Variants in GRM4 observed in about 807,000 individuals in gnomAD.
The protein encoded by GRM4 is glutamate metabotropic receptor 4, also known as metabotropic glutamate receptor 4.
GRM4 carries 28 observed loss-of-function variants against 81.7 expected under a neutral mutation model. The observed-to-expected ratio is 0.34, with a 90% CI of 0.25 to 0.47. GRM4 has a LOEUF of 0.47. GRM4 is among the 20% of genes least tolerant of loss of function. The pLI is 1.00. For synonymous variants in GRM4, 488 were observed against 528.8 expected (o/e 0.92, Z 1.06); for missense variants, 948 against 1,290.0 (o/e 0.73, Z 4.06).
At position 34,035,863 on chromosome 6, in the gene GRM4, C is replaced by G; in HGVS notation, c.2247G>C (p.Ser749=). ...CCAGCAGGCAGATGAGCGACAGGTC[C>G]GAGATGTCACACTTGAGCACACCCC... The part of the protein sequence containing the change: ...FARGVLKCDI[S]DLSLICLLGY... The change falls in exon 9 of 11, where the codon TCG becomes TCC. Residue 749 remains serine, a synonymous_variant. Transcript: ENST00000538487. This position sits in a 1 kb window ranked among gnomAD's most constrained non-coding sequence, Gnocchi z 6.6. 1 of 1,611,140 alleles carries G rather than the reference C, an allele frequency of 6.2e-7. No individual in the cohort carries two copies. The highest frequency in any genetic ancestry group is 8.5e-7 in the Non-Finnish European group (1 of 1,177,564).
At chr6:34,148,154 C>T (rs965136976), upstream of GRM4, among the ~76,000 whole-genome samples, 1 of 151,606 alleles carries the variant, frequency 6.6e-6, no homozygotes, top group African/African-American at 2.4e-5. Context: ...TTTGTGGACT[C>T]GTCCAGTTTG....
At chr6:34,028,636 G>A (rs1351283471) in intron 9 of GRM4, among the ~76,000 whole-genome samples, 2 of 152,182 alleles carry the variant, frequency 1.3e-5, no homozygotes, top group Non-Finnish European at 2.9e-5. Context: ...TACCTCCTAG[G>A]GCTGTTGTGA....
rs142230894 is a variant in GRM4 at position 34,153,799 on chromosome 6, T to C, written c.312+1280A>G. Reference sequence around the variant, plus strand: ...AAAGTTAGCCAGGCGTGGTGGCACATGCCTGTAATCCCGGCTACTGGGGAG... The same window carrying C: ...AAAGTTAGCCAGGCGTGGTGGCACACGCCTGTAATCCCGGCTACTGGGGAG... On this transcript the variant is annotated intron_variant, in intron 1 of 8. Transcript: ENST00000374177. Among the ~76,000 whole-genome samples, 85 of 152,186 alleles carry C rather than the reference T, an allele frequency of 5.6e-4. 1 individual carries two copies. In the East Asian group the frequency reaches 0.016, roughly 29 times the overall value.
rs919593258 is a variant in GRM4, at chr6:34,040,477, C to A, written c.1369+71G>T. On this transcript the variant is annotated intron_variant, in intron 7 of 10. Coordinates refer to ENST00000538487, the MANE Select transcript of GRM4 (RefSeq NM_000841.4). ...GGCCTCCCATTCCCACCCCACAGAG[C>A]CTAAGGGCCCCTCCCCTCGGGCATG... 11 of 1,475,778 alleles carry A rather than the reference C, an allele frequency of 7.5e-6. No individual in the cohort carries two copies. The African/African-American group carries it at 1.5e-4, about 21-fold the overall frequency. 91.4% of individuals were successfully genotyped at this position (1,475,778 alleles called of 1,614,324 possible).
At position 34,036,397 on chromosome 6, in the gene GRM4, C is replaced by T. The variant is rs61744332; in HGVS notation, c.1713G>A (p.Thr571=). ...TGATGATGGGGATGGGCCGGCAGCC[C>T]GTGCGGTTCTCTGTGGGCCGCATGT... ...PYDMRPTENR[T]GCRPIPIIKL... The change falls in exon 9 of 11, where the codon ACG becomes ACA. Residue 571 remains threonine, a synonymous_variant. Transcript: ENST00000538487. This position sits in a 1 kb window ranked among gnomAD's most constrained non-coding sequence, Gnocchi z 9.0. The T allele has an allele frequency of 4.4e-4, 708 of 1,611,916 alleles. 5 individuals carry two copies. The African/African-American group carries it at 5.4e-3, about 12-fold the overall frequency.
Position 34,089,036 on chromosome 6 carries a change from GTGACCCACCCCCTC to G in GRM4, c.736+2833_736+2846del, listed in dbSNP as rs1434320075. ...GTTCTAGCTCTGTGGCCTTGGGAAA[GTGACCCACCCCCTC>G]TGGCCTCCATTTCCCCATCTATAAA... On this transcript the variant is annotated intron_variant, in intron 3 of 10. Transcript: ENST00000538487. This position sits in a 1 kb window ranked among gnomAD's most constrained non-coding sequence, Gnocchi z 4.3. 2.0e-5 allele frequency among the ~76,000 whole-genome samples: 3 copies of G among 152,160 alleles called. No individual in the cohort carries two copies. Among genetic ancestry groups the G allele is most frequent in the African/African-American group, 4.8e-5 (2 of 41,432 alleles).
intron 3 of GRM4, among the ~76,000 whole-genome samples, chr6:34,077,698 T>C (rs1767386710): frequency 6.6e-6 from 1 of 151,868 alleles, no homozygotes; most frequent in South Asian, 2.1e-4. Flanking sequence ...CATCAGAGCC[T>C]TTAGTCAGAC....
intron 1 of GRM4, among the ~76,000 whole-genome samples, chr6:34,137,591 CTT>C (rs796255832): frequency 7.5e-6 from 1 of 133,658 alleles, no homozygotes; most frequent in African/African-American, 2.7e-5. Context: ...CCTTTTTTTT[CTT>C]TTTTTTTTGA....
At position 34,090,933 on chromosome 6, in the gene GRM4, C is replaced by G. The variant is rs1202396185; in HGVS notation, c.736+950G>C. The stretch of plus-strand genomic sequence containing the variant: ...GCCCTCTCTGCAGGAGGTGGGTCTG[C>G]CAGGAGGGAGAAGGGCCTCCCCACT... On this transcript the variant is annotated intron_variant, in intron 3 of 10. Transcript: ENST00000538487. The surrounding 1 kb of genome is among the most constrained non-coding windows in gnomAD (Gnocchi z 5.2). 6.6e-6 allele frequency among the ~76,000 whole-genome samples: 1 copy of G among 152,078 alleles called. No individual in the cohort carries two copies. Among genetic ancestry groups the G allele is most frequent in the Admixed American group, 6.5e-5 (1 of 15,278 alleles).
intron 6 of GRM4, among the ~76,000 whole-genome samples, chr6:34,045,216 C>G (rs1765310830): frequency 6.6e-6 from 1 of 152,198 alleles, no homozygotes; most frequent in Admixed American, 6.5e-5. Flanking sequence ...GACGCTCTGG[C>G]CTAAATGAGC....
chr6:34,027,702 C>G (rs1286745170), intron 10 of GRM4, among the ~76,000 whole-genome samples: 1 of 152,198 alleles, frequency 6.6e-6, no homozygotes, highest in Non-Finnish European at 1.5e-5. Context: ...GATTCCTTCT[C>G]CCAGAGGGGC....
intron 1 of GRM4, among the ~76,000 whole-genome samples, chr6:34,151,140 G>A (rs923609223): frequency 1.3e-5 from 2 of 152,206 alleles, no homozygotes; most frequent in African/African-American, 2.4e-5. Context: ...AGACAAGTAG[G>A]ATTTAGAAGA....
chr6:34,120,248 G>A (rs1303218960), intron 2 of GRM4, among the ~76,000 whole-genome samples: 3 of 149,140 alleles, frequency 2.0e-5, no homozygotes, highest in African/African-American at 4.9e-5. Flanking sequence ...CCCCTCTCCA[G>A]CATGCACACT....
Position 34,115,379 on chromosome 6 carries a change from C to A in GRM4, c.519+17599G>T, listed in dbSNP as rs1265738877. On this transcript the variant is annotated intron_variant, in intron 2 of 10. Coordinates refer to ENST00000538487, the MANE Select transcript of GRM4 (RefSeq NM_000841.4). The surrounding 1 kb of genome is among the most constrained non-coding windows in gnomAD (Gnocchi z 4.1). Reference sequence around the variant, plus strand: ...AGAGAGCAACCGTGTCTCCAGGCTTCAATTAAAATATCACGGCACCCGCAC... The same window carrying A: ...AGAGAGCAACCGTGTCTCCAGGCTTAAATTAAAATATCACGGCACCCGCAC... 6.6e-6 allele frequency among the ~76,000 whole-genome samples: 1 copy of A among 152,218 alleles called. No homozygotes were observed. The highest frequency in any genetic ancestry group is 2.4e-5 in the African/African-American group (1 of 41,462).
intron 2 of GRM4, among the ~76,000 whole-genome samples, chr6:34,118,253 G>A (rs560218628): frequency 8.3e-4 from 126 of 152,288 alleles, no homozygotes; most frequent in Non-Finnish European, 1.5e-3. Context: ...AAGGGACATC[G>A]AGCCACACTC....
At chr6:34,038,689 C>CG (rs397939422) in intron 8 of GRM4, among the ~76,000 whole-genome samples, 5 of 151,550 alleles carry the variant, frequency 3.3e-5, no homozygotes, top group Admixed American at 6.6e-5. Context: ...CACCTCCCCC[C>CG]ACCACCTCAG....
chr6:34,155,036 CCACGCCCGGGGA>C, intron 1 of GRM4: 2 of 1,438,096 alleles, frequency 1.4e-6, no homozygotes, highest in African/African-American at 1.4e-5. Context: ...CCTCCCCGTC[CCACGCCCGGGGA>C]CACGCCCGGA....
intron 2 of GRM4, among the ~76,000 whole-genome samples, chr6:34,109,973 G>A (rs1769297905): frequency 1.3e-5 from 2 of 152,056 alleles, no homozygotes; most frequent in South Asian, 2.1e-4. Context: ...GGTGGTCTAG[G>A]TCCACACATG....
At chr6:34,129,633 A>G (rs1770158833) in intron 2 of GRM4, among the ~76,000 whole-genome samples, 1 of 152,168 alleles carries the variant, frequency 6.6e-6, no homozygotes, top group South Asian at 2.1e-4. Flanking sequence ...CTGGTCCGCA[A>G]CAGAGGCCTG....
Sources: allele counts gnomAD v4.1 joint callset (sites outside exome capture counted in the v4.1 genomes callset), GRCh38; gene constraint gnomAD v4.1.1; non-coding constraint Gnocchi (gnomAD v3.1); transcripts MANE v1.5; gene names NCBI Gene and HGNC (gene_info 2026-07-23, HGNC 2026-07-21).